Variants in FKBP2 observed in about 807,000 individuals in gnomAD.
FKBP2 encodes the protein FKBP prolyl isomerase 2.
Under a neutral mutation model 19.4 loss-of-function variants are expected in FKBP2, and 15 were observed. The observed-to-expected ratio is 0.77, with a 90% CI of 0.52 to 1.19. The LOEUF is 1.19. Among genes scored for constraint, FKBP2 ranks in the 50% most tolerant of loss-of-function variants. FKBP2 has a pLI of 0.00. For missense variants in FKBP2, 170 were observed against 179.0 expected, an observed-to-expected ratio of 0.95 and a Z score of 0.29; for synonymous variants, 76 against 74.8, an observed-to-expected ratio of 1.02 and a Z score of -0.08.
rs1031836016 is a variant in FKBP2, at chr11:64,243,667, C to G, written c.331+170C>G. 1.1e-4 allele frequency: 127 copies of G among 1,160,846 alleles called. 1 individual carries two copies. The highest frequency in any genetic ancestry group is 1.4e-4 in the Non-Finnish European group (114 of 792,998). 71.9% of individuals were successfully genotyped at this position (1,160,846 alleles called of 1,614,324 possible). On this transcript the variant is annotated intron_variant, in intron 4 of 5. Coordinates refer to ENST00000309366, the MANE Select transcript of FKBP2 (RefSeq NM_004470.4). ...AGTACAGGGCAAGATCATTGAAGCA[C>G]TCAGCTGTAGTGGCCCCACTCTGCC...
chr11:64,242,371 T>A lies in FKBP2; in HGVS notation c.-4-13T>A. The A allele has an allele frequency of 1.3e-6, 2 of 1,497,794 alleles. No homozygotes were observed. Among genetic ancestry groups the A allele is most frequent in the Non-Finnish European group, 1.8e-6 (2 of 1,126,192 alleles). 92.8% of individuals were successfully genotyped at this position (1,497,794 alleles called of 1,614,324 possible). A position where few individuals can be genotyped will look rare whatever the true frequency, so the allele number is the denominator to read the frequency against. ...CCCACGTTCAGTCGGTCGGTCGGGG[T>A]CTGTGCCCACAGAGACATGAGGCTG... On this transcript the variant is annotated splice_polypyrimidine_tract_variant and intron_variant, in intron 1 of 5. Transcript: ENST00000309366.
In FKBP2 at chr11:64,242,485, T is replaced by G. The variant is rs752333294; in HGVS notation, c.98T>G (p.Ile33Ser). Residue 33 changes from isoleucine (I) to serine (S), a missense_variant, in exon 2 of 6, where the codon ATC becomes AGC. Coordinates refer to ENST00000309366, the MANE Select transcript of FKBP2 (RefSeq NM_004470.4). ...GCCGAGGGCAAAAGGAAGCTGCAGA[T>G]CGGGGTCAAGAAGCGGGTGGACCAC... is the stretch of plus-strand genomic sequence containing the variant. ...TGAEGKRKLQIGVKKRVDHCP... is the reference protein window; with the variant it reads ...TGAEGKRKLQSGVKKRVDHCP... 6.4e-7 allele frequency: 1 copy of G among 1,553,118 alleles called. No homozygotes were observed. Among genetic ancestry groups the G allele is most frequent in the Admixed American group, 2.2e-5 (1 of 45,168 alleles).
At chr11:64,242,006 C>G (rs2030532988) in intron 1 of FKBP2, 1 of 167,518 alleles carries the variant, frequency 6.0e-6, no homozygotes, top group South Asian at 1.4e-4. Flanking sequence ...TGAGTGGGGC[C>G]GCCCAGTCGG....
At chr11:64,242,108 A>C in intron 1 of FKBP2, 5 of 352,644 alleles carry the variant, frequency 1.4e-5, no homozygotes, top group East Asian at 5.1e-5. Flanking sequence ...GAGGGAGGGA[A>C]GGTATGGGGG....
intron 1 of FKBP2, chr11:64,241,782 A>T (rs1276740805): frequency 6.6e-6 from 1 of 152,360 alleles, no homozygotes; most frequent in Non-Finnish European, 1.5e-5. Flanking sequence ...CGGCCAGCAG[A>T]CACAGGGCCA....
intron 1 of FKBP2, chr11:64,241,986 G>A (rs761678608): frequency 1.0e-4 from 17 of 163,502 alleles, no homozygotes; most frequent in Non-Finnish European, 2.0e-4. Flanking sequence ...GGGGGCAGCT[G>A]GGTGTGGCGT....
Position 64,242,386 on chromosome 11 carries a change from A to T in FKBP2, c.-2A>T. The T allele has an allele frequency of 6.6e-7, 1 of 1,523,964 alleles. No homozygotes were observed. The allele number at this position is 1,523,964 out of a possible 1,614,324, so 94.4% of individuals were successfully genotyped here. ...TCGGTCGGGGTCTGTGCCCACAGAG[A>T]CATGAGGCTGAGCTGGTTCCGGGTC... is the stretch of plus-strand genomic sequence containing the variant. On this transcript the variant is annotated splice_region_variant and 5_prime_UTR_variant, in exon 2 of 6. Coordinates refer to ENST00000309366, the MANE Select transcript of FKBP2 (RefSeq NM_004470.4).
intron 4 of FKBP2, 155 bp from the exon 5 acceptor site, chr11:64,243,686 C>G: frequency 8.3e-7 from 1 of 1,210,086 alleles, no homozygotes; most frequent in Non-Finnish European, 1.2e-6. Context: ...AGTGGCCCCA[C>G]TCTGCCCTTG....
rs951855629 is a variant in FKBP2, at chr11:64,244,024, C to CTG, written c.426_427dup (p.Ter143CysfsTer?). The stretch of plus-strand genomic sequence containing the variant: ...GCTCAAAATAGAGCGACGAACTGAG[C>CTG]TGTAACCAGACTGGGGAGGGGCAGG... On this transcript the variant is annotated frameshift_variant, in exon 6 of 6. Coordinates refer to ENST00000309366, the MANE Select transcript of FKBP2 (RefSeq NM_004470.4). LOFTEE classifies it high-confidence loss of function. 6.2e-7 allele frequency: 1 copy of CTG among 1,613,908 alleles called. No homozygotes were observed. Among genetic ancestry groups the CTG allele is most frequent in the East Asian group, 2.2e-5 (1 of 44,878 alleles).
chr11:64,243,279 G>C lies in FKBP2; in HGVS notation c.252G>C (p.Gln84His). 5 of 1,610,204 alleles carry C rather than the reference G, an allele frequency of 3.1e-6. No homozygotes were observed. Among genetic ancestry groups the C allele is most frequent in the Non-Finnish European group, 4.2e-6 (5 of 1,177,868 alleles). The change falls in exon 3 of 6, where the codon CAG (glutamine) becomes CAC (histidine). Residue 84 changes from glutamine to histidine, a missense_variant. Physicochemically the swap from Gln to His is conservative, Grantham distance 24 (BLOSUM62 0). Transcript: ENST00000309366. ...QPFVFSLGTG[Q>H]VIKGWDQGLL... ...TTGTCTTCTCCCTTGGCACAGGCCA[G>C]GTCATCAAGGGCTGGGACCAGGGGC...
chr11:64,243,179 G>T lies in FKBP2; in HGVS notation c.172-20G>T, dbSNP rs1475369375. 17 of 1,610,198 alleles carry T rather than the reference G, an allele frequency of 1.1e-5. No individual in the cohort carries two copies. Among genetic ancestry groups the T allele is most frequent in the Non-Finnish European group, 1.4e-5 (16 of 1,177,306 alleles). Reference sequence around the variant, plus strand: ...AGGGGTGGTCCCCTCTTCCTCACTGGCCTTCTCATGGTTCCACAGGGGAAG... The same window carrying T: ...AGGGGTGGTCCCCTCTTCCTCACTGTCCTTCTCATGGTTCCACAGGGGAAG... On this transcript the variant is annotated intron_variant, in intron 2 of 5. Transcript: ENST00000309366.
At chr11:64,242,059 A>G (rs900098971) in intron 1 of FKBP2, 12 of 248,462 alleles carry the variant, frequency 4.8e-5, no homozygotes, top group Non-Finnish European at 3.1e-5. Flanking sequence ...CTTTGCGTAA[A>G]GGGACAGGCG....
intron 1 of FKBP2, chr11:64,242,133 G>A: frequency 2.3e-6 from 1 of 443,972 alleles, no homozygotes; most frequent in Non-Finnish European, 4.0e-6. Flanking sequence ...CAAAGGGGCG[G>A]GTCCCTGGCT....
Position 64,242,455 on chromosome 11 carries a change from C to T in FKBP2, c.68C>T (p.Thr23Met), listed in dbSNP as rs1234675521. 1.9e-6 allele frequency: 3 copies of T among 1,547,616 alleles called. No homozygotes were observed. Among genetic ancestry groups the T allele is most frequent in the Non-Finnish European group, 1.7e-6 (2 of 1,153,662 alleles). ...TGCCTGAGCGCCGTGGCCACGGCCA[C>T]GGGGGCCGAGGGCAAAAGGAAGCTG... Reference protein sequence around the residue: ...SICLSAVATATGAEGKRKLQI... With the variant: ...SICLSAVATAMGAEGKRKLQI... Residue 23 changes from threonine (T) to methionine (M), a missense_variant, in exon 2 of 6, where the codon ACG (threonine) becomes ATG (methionine). Transcript: ENST00000309366.
rs1229032449 is a variant in FKBP2 at position 64,242,434 on chromosome 11, T to C, written c.47T>C (p.Leu16Pro). 1 of 1,552,114 alleles carries C rather than the reference T, an allele frequency of 6.4e-7. No individual in the cohort carries two copies. Among genetic ancestry groups the C allele is most frequent in the East Asian group, 2.5e-5 (1 of 40,354 alleles). The change falls in exon 2 of 6, where the codon CTG becomes CCG. Residue 16 changes from leucine (L) to proline (P), a missense_variant. Leu to Pro is a moderately conservative substitution (Grantham distance 98). Coordinates refer to ENST00000309366, the MANE Select transcript of FKBP2 (RefSeq NM_004470.4). ...GTCCTGACAGTACTGTCCATCTGCC[T>C]GAGCGCCGTGGCCACGGCCACGGGG... ...FRVLTVLSIC[L>P]SAVATATGAE... is the part of the protein sequence containing the mutation.
At position 64,243,707 on chromosome 11, in the gene FKBP2, G is replaced by C. The variant is rs1432630098; in HGVS notation, c.332-134G>C. On this transcript the variant is annotated intron_variant, in intron 4 of 5. Coordinates refer to ENST00000309366, the MANE Select transcript of FKBP2 (RefSeq NM_004470.4). Reference sequence around the variant, plus strand: ...CCCACTCTGCCCTTGCCAGGCCTTTGGCACCCCCTTCCCATCTCCATTACC... The same window carrying C: ...CCCACTCTGCCCTTGCCAGGCCTTTCGCACCCCCTTCCCATCTCCATTACC... The C allele has an allele frequency of 8.3e-6, 11 of 1,327,322 alleles. No homozygotes were observed. The Admixed American group carries it at 2.0e-4, about 24-fold the overall frequency. 82.2% of individuals were successfully genotyped at this position (1,327,322 alleles called of 1,614,324 possible).
At position 64,244,097 on chromosome 11, in the gene FKBP2, AAAC is replaced by A. The variant is rs2030750399; in HGVS notation, c.*71_*73del. 1 of 1,528,910 alleles carries A rather than the reference AAAC, an allele frequency of 6.5e-7. No individual in the cohort carries two copies. The highest frequency in any genetic ancestry group is 9.0e-7 in the Non-Finnish European group (1 of 1,116,656). The allele number at this position is 1,528,910 out of a possible 1,614,324, so 94.7% of individuals were successfully genotyped here. ...CAGACTGTTCCAAAAAAAAAACAAA[AAAC>A]AAAAACAAACAAAAAAACACTTAAA... On this transcript the variant is annotated 3_prime_UTR_variant, in exon 6 of 6. Coordinates refer to ENST00000309366, the MANE Select transcript of FKBP2 (RefSeq NM_004470.4).
chr11:64,242,221 T>C, intron 1 of FKBP2, 163 bp from the exon 2 acceptor site: 2 of 622,010 alleles, frequency 3.2e-6, no homozygotes, highest in Non-Finnish European at 2.5e-6. Context: ...CTGGTAAGTG[T>C]GGCCCCGGAG....
chr11:64,243,390 C>T (rs756063034), intron 3 of FKBP2, 61 bp from the exon 4 acceptor site: 2 of 1,610,336 alleles, frequency 1.2e-6, no homozygotes, highest in South Asian at 2.2e-5. Context: ...GAGGCAAGCC[C>T]CAGGGATACA....
Sources: gnomAD v4.1 joint callset for allele counts on GRCh38, gnomAD v4.1.1 for gene constraint, MANE v1.5 for transcripts, NCBI Gene and HGNC (gene_info 2026-07-23, HGNC 2026-07-21) for gene names.